Variants in SPATA13 observed in about 807,000 individuals in gnomAD.
SPATA13 encodes the protein spermatogenesis associated 13.
SPATA13 carries 50 observed loss-of-function variants against 104.0 expected under a neutral mutation model. The observed-to-expected ratio is 0.48, with a 90% confidence interval of 0.38 to 0.61. The LOEUF is 0.61. SPATA13 is among the 20% of genes least tolerant of loss of function. SPATA13 has a pLI of 0.00. For synonymous variants in SPATA13, 606 were observed against 667.5 expected (o/e 0.91, Z 1.42); for missense variants, 1,524 against 1,690.6 (o/e 0.90, Z 1.73).
chr13:24,021,311 A>T (rs1331472400), intron 3 of SPATA13, among the ~76,000 whole-genome samples: 2 of 152,196 alleles, frequency 1.3e-5, no homozygotes, highest in Non-Finnish European at 2.9e-5. Context: ...CTCAAAGCAT[A>T]GCTTGCATAA....
At chr13:24,057,159 C>T (rs144189234) in intron 3 of SPATA13, among the ~76,000 whole-genome samples, 45 of 151,496 alleles carry the variant, frequency 3.0e-4, no homozygotes, top group African/African-American at 9.9e-4. Flanking sequence ...TATACATGTG[C>T]CATGCTGGTG....
chr13:24,026,460 G>A (rs1201662033), intron 3 of SPATA13, among the ~76,000 whole-genome samples: 8 of 152,176 alleles, frequency 5.3e-5, no homozygotes, highest in Admixed American at 2.6e-4. Flanking sequence ...GTGATGGGGA[G>A]TGTTCGTGGT....
intron 3 of SPATA13, among the ~76,000 whole-genome samples, chr13:24,055,839 T>C (rs553219610): frequency 4.5e-4 from 68 of 152,364 alleles, no homozygotes; most frequent in Non-Finnish European, 8.8e-4. Flanking sequence ...TCTGCTCTCA[T>C]TGGCCGAGGA....
At chr13:24,269,858 G>A (rs1874482635) in intron 4 of SPATA13, among the ~76,000 whole-genome samples, 2 of 150,030 alleles carry the variant, frequency 1.3e-5, no homozygotes, top group African/African-American at 2.5e-5. Flanking sequence ...CAAAGTGTTG[G>A]GATTACAGGT....
intron 2 of SPATA13, among the ~76,000 whole-genome samples, chr13:24,229,632 A>C (rs1367972697): frequency 6.6e-6 from 1 of 152,172 alleles, no homozygotes; most frequent in African/African-American, 2.4e-5. Context: ...ACTCTTTTTC[A>C]ATATAACACT....
chr13:24,118,246 C>T lies in SPATA13; in HGVS notation c.-112+100545C>T, dbSNP rs114375490. Among the ~76,000 whole-genome samples, 722 of 152,264 alleles carry T rather than the reference C, an allele frequency of 4.7e-3. 6 individuals carry two copies. Among genetic ancestry groups the T allele is most frequent in the African/African-American group, 0.016 (673 of 41,566 alleles). On this transcript the variant is annotated intron_variant, in intron 3 of 14. Coordinates refer to the SPATA13 transcript ENST00000424834. ...CTCTGTGCCTCAGAGCACTCACTCC[C>T]CATCATGGTCTCTTTTTACCAACAG...
intron 2 of SPATA13, among the ~76,000 whole-genome samples, chr13:24,231,503 C>T (rs189076340): frequency 4.1e-4 from 62 of 152,284 alleles, no homozygotes; most frequent in African/African-American, 1.3e-3. Flanking sequence ...ATCTGTTCAT[C>T]TGTTGATGGA....
Position 24,224,526 on chromosome 13 carries a change from G to A in SPATA13, c.1597G>A (p.Asp533Asn). The A allele has an allele frequency of 6.5e-7, 1 of 1,546,316 alleles. No homozygotes were observed. The highest frequency in any genetic ancestry group is 1.2e-5 in the South Asian group (1 of 84,058). Residue 533 changes from aspartate (D) to asparagine (N), a missense_variant, in exon 2 of 13, where the codon GAC becomes AAC. Asp to Asn is a conservative substitution (Grantham distance 23, BLOSUM62 1). Around this residue, in one of 2 missense-constraint regions of SPATA13, gnomAD observed 1,089 missense variants for 1,135.9 expected, o/e 0.96. Coordinates refer to ENST00000382108, the MANE Select transcript of SPATA13 (RefSeq NM_001166271.3). Reference sequence around the variant, plus strand: ...CACACATGGTGATGAGGGCAGCAAGGACCTTCTGGTGAACATTGGTGTGGC... The same window carrying A: ...CACACATGGTGATGAGGGCAGCAAGAACCTTCTGGTGAACATTGGTGTGGC... ...EATHGDEGSK[D>N]LLVNIGVAAG...
At chr13:24,298,042 C>T (rs1414329668) in intron 11 of SPATA13, among the ~76,000 whole-genome samples, 2 of 152,200 alleles carry the variant, frequency 1.3e-5, no homozygotes, top group African/African-American at 2.4e-5. Context: ...ACCCAATTTA[C>T]AGATGAGAAA....
At position 24,289,183 on chromosome 13, in the gene SPATA13, G is replaced by C. The variant is rs780867880; in HGVS notation, c.2847+5G>C. On this transcript the variant is annotated splice_donor_5th_base_variant and intron_variant, in intron 8 of 12. Transcript: ENST00000382108. ...GGATCTTGCTTTCTTCAAAATGTGC[G>C]TCACCCTTTACTTCATTATTAATAA... The C allele has an allele frequency of 6.2e-7, 1 of 1,605,588 alleles. No homozygotes were observed. The highest frequency in any genetic ancestry group is 8.5e-7 in the Non-Finnish European group (1 of 1,177,370).
At position 24,150,311 on chromosome 13, in the gene SPATA13, A is replaced by G. The variant is rs372736561; in HGVS notation, c.-111-72508A>G. ...CTCTCAAGTGGCATCACTGCTGCACAGCTCCTGCCAGTCCCCTAGAGAGCA... is the reference window on the plus strand; with the variant it reads ...CTCTCAAGTGGCATCACTGCTGCACGGCTCCTGCCAGTCCCCTAGAGAGCA... On this transcript the variant is annotated intron_variant, in intron 3 of 14. Transcript: ENST00000424834. Among the ~76,000 whole-genome samples the G allele has an allele frequency of 5.3e-3, 808 of 152,308 alleles. 3 individuals carry two copies. Among genetic ancestry groups the G allele is most frequent in the African/African-American group, 0.017 (696 of 41,578 alleles).
intron 3 of SPATA13, among the ~76,000 whole-genome samples, chr13:24,137,689 G>T (rs538769759): frequency 3.9e-5 from 6 of 152,282 alleles, no homozygotes; most frequent in Admixed American, 6.5e-5. Flanking sequence ...AGCCTGGGGG[G>T]CGGAGGTTGC....
chr13:24,160,923 G>GC lies in SPATA13; in HGVS notation c.-119dup, dbSNP rs1882447220. 1.0e-6 allele frequency: 1 copy of GC among 985,610 alleles called. No homozygotes were observed. The highest frequency in any genetic ancestry group is 1.7e-5 in the African/African-American group (1 of 57,238). 61.1% of individuals were successfully genotyped at this position (985,610 alleles called of 1,614,324 possible). Reference sequence around the variant, plus strand: ...GACTTTGTAGGCTCCGCCAAGAGGCGCCGCAGGAGGTAAGACGGCTTCGGG... The same window carrying GC: ...GACTTTGTAGGCTCCGCCAAGAGGCGCCCGCAGGAGGTAAGACGGCTTCGGG... On this transcript the variant is annotated 5_prime_UTR_variant, in exon 1 of 13. Transcript: ENST00000382108.
intron 3 of SPATA13, among the ~76,000 whole-genome samples, chr13:24,038,002 C>T (rs1042283865): frequency 6.6e-6 from 1 of 151,902 alleles, no homozygotes; most frequent in Admixed American, 6.6e-5. Flanking sequence ...AGCTCTACCT[C>T]CCGGGTTCAC....
intron 4 of SPATA13, among the ~76,000 whole-genome samples, chr13:24,265,244 C>T (rs1485993092): frequency 6.6e-6 from 1 of 152,190 alleles, no homozygotes. Context: ...CTTTGCCCAA[C>T]AGGAGTCGGC....
At chr13:23,983,013 A>G (rs1420724365) in intron 1 of SPATA13, among the ~76,000 whole-genome samples, 1 of 152,204 alleles carries the variant, frequency 6.6e-6, no homozygotes, top group East Asian at 1.9e-4. Context: ...GGAGCTGGAG[A>G]GGGGCTCCCT....
chr13:24,141,756 G>A (rs1202497736), intron 3 of SPATA13, among the ~76,000 whole-genome samples: 2 of 152,176 alleles, frequency 1.3e-5, no homozygotes, highest in Admixed American at 6.5e-5. Context: ...GGAGCCTCCC[G>A]TGGCTAAGAA....
chr13:24,038,383 C>T (rs999683041), intron 3 of SPATA13, among the ~76,000 whole-genome samples: 1 of 152,096 alleles, frequency 6.6e-6, no homozygotes, highest in East Asian at 1.9e-4. Flanking sequence ...GGAGTCCCAA[C>T]CATCTGGTTA....
chr13:24,204,871 T>C (rs116789308), intron 1 of SPATA13, among the ~76,000 whole-genome samples: 1,659 of 152,344 alleles, frequency 0.011, 31 homozygotes, highest in African/African-American at 0.037. Flanking sequence ...TTGGGTTGTT[T>C]CTGCCTGTTG....
Sources: gnomAD v4.1 joint callset for allele counts (sites outside exome capture counted in the v4.1 genomes callset) on GRCh38, gnomAD v4.1.1 for gene constraint, gnomAD v4.1.1 regional missense constraint, MANE v1.5 for transcripts, NCBI Gene and HGNC (gene_info 2026-07-23, HGNC 2026-07-21) for gene names.